Variants in PEDS1 observed in about 807,000 individuals in gnomAD.
PEDS1 encodes the protein CarF homolog.
Under a neutral mutation model 35.2 loss-of-function variants are expected in PEDS1, and 14 were observed. The observed-to-expected ratio is 0.40, with a 90% CI of 0.26 to 0.62. The LOEUF is 0.62. Ranked by LOEUF, PEDS1 falls within the 20% of genes least tolerant of loss-of-function variation. The pLI, the probability that PEDS1 is intolerant of heterozygous loss-of-function variation, is 0.44. For synonymous variants in PEDS1, 152 were observed against 152.0 expected (o/e 1.00, Z 0.00); for missense variants, 260 against 367.8 (o/e 0.71, Z 2.40).
At chr20:50,138,761 T>C (rs2081261688) in intron 2 of PEDS1, among the ~76,000 whole-genome samples, 1 of 152,196 alleles carries the variant, frequency 6.6e-6, no homozygotes, top group Non-Finnish European at 1.5e-5. Flanking sequence ...TGTCCCAGCT[T>C]TGGGGTGGTG....
At chr20:50,127,944 A>G (rs777212563) in intron 5 of PEDS1, 31 bp downstream of exon 5, 28 of 1,602,896 alleles carry the variant, frequency 1.7e-5, no homozygotes, top group Non-Finnish European at 1.7e-6. Flanking sequence ...TGGGGTGGGG[A>G]AAGCCCATTC....
intron 5 of PEDS1, among the ~76,000 whole-genome samples, chr20:50,125,553 T>TATCTATCTATCC (rs1277369207): frequency 1.4e-4 from 8 of 56,400 alleles, no homozygotes; most frequent in African/African-American, 4.4e-4. Context: ...TTTATCTATC[T>TATCTATCTATCC]ATCTATCTAT....
intron 5 of PEDS1, among the ~76,000 whole-genome samples, chr20:50,125,516 C>A (rs1383746633): frequency 3.3e-5 from 5 of 152,098 alleles, no homozygotes; most frequent in African/African-American, 1.2e-4. Context: ...TCCACTTAAG[C>A]AGCACCCCAG....
chr20:50,131,052 G>C (rs754118990), intron 2 of PEDS1, 105 bp from the exon 3 acceptor site: 35 of 1,588,992 alleles, frequency 2.2e-5, no homozygotes, highest in Non-Finnish European at 2.8e-5. Context: ...GGAGGGGAAG[G>C]TGTCCCTTCT....
Position 50,124,033 on chromosome 20 carries a change from GTC to G in PEDS1, c.*1023_*1024del, listed in dbSNP as rs1398068819. On this transcript the variant is annotated 3_prime_UTR_variant, in exon 6 of 6. Coordinates refer to ENST00000371652, the MANE Select transcript of PEDS1 (RefSeq NM_199129.4). ...GAGCAGATGTCAACATTAATTCACT[GTC>G]TCAGGTGACAGCTCTCATCCTGAGG... 6.6e-6 allele frequency: 1 copy of G among 152,530 alleles called. No homozygotes were observed. The highest frequency in any genetic ancestry group is 2.4e-5 in the African/African-American group (1 of 41,452). 9.4% of individuals were successfully genotyped at this position (152,530 alleles called of 1,614,324 possible).
In PEDS1 at chr20:50,123,574, G is replaced by A. The variant is rs2081069547; in HGVS notation, c.*1484C>T. The A allele has an allele frequency of 6.6e-6, 1 of 152,302 alleles. No homozygotes were observed. The highest frequency in any genetic ancestry group is 2.1e-4 in the South Asian group (1 of 4,830). 9.4% of individuals were successfully genotyped at this position (152,302 alleles called of 1,614,324 possible). ...AGCCACTGTGCGTGGCCCCAAGCTT[G>A]TTCTTGCCTCAGGGCCTGTGTACTT... On this transcript the variant is annotated 3_prime_UTR_variant, in exon 6 of 6. Transcript: ENST00000371652.
intron 2 of PEDS1, among the ~76,000 whole-genome samples, chr20:50,138,391 G>A (rs1308285819): frequency 1.3e-5 from 2 of 152,154 alleles, no homozygotes; most frequent in Non-Finnish European, 2.9e-5. Flanking sequence ...TCGCACCCAG[G>A]TATGGAGAAT....
At chr20:50,126,708 T>G (rs974304222) in intron 5 of PEDS1, among the ~76,000 whole-genome samples, 7 of 152,194 alleles carry the variant, frequency 4.6e-5, no homozygotes, top group African/African-American at 1.7e-4. Flanking sequence ...TGACAGCACC[T>G]GATACACTTA....
At chr20:50,136,762 C>T (rs983330202) in intron 2 of PEDS1, among the ~76,000 whole-genome samples, 8 of 138,268 alleles carry the variant, frequency 5.8e-5, no homozygotes, top group Non-Finnish European at 1.2e-4. Context: ...GAAGGCTGGG[C>T]GCATTGGCTC....
At chr20:50,146,932 T>G (rs1236854834) in intron 1 of PEDS1, among the ~76,000 whole-genome samples, 1 of 152,148 alleles carries the variant, frequency 6.6e-6, no homozygotes, top group Admixed American at 6.5e-5. Flanking sequence ...CCTTCCCCTT[T>G]CTGATTCTTG....
In PEDS1 at chr20:50,120,899, T is replaced by G. The variant is rs1324137404; in HGVS notation, c.*4159A>C. 6.6e-6 allele frequency: 1 copy of G among 151,884 alleles called. No homozygotes were observed. The highest frequency in any genetic ancestry group is 1.5e-5 in the Non-Finnish European group (1 of 68,054). The allele number at this position is 151,884 out of a possible 1,614,324, so 9.4% of individuals were successfully genotyped here. ...TTGGGGGCAGGCGCCCAAAGGTATG[T>G]GCCCAGGCCCCTTCTAAAGAACAGT... On this transcript the variant is annotated 3_prime_UTR_variant, in exon 6 of 6. Transcript: ENST00000371652.
At chr20:50,151,230 TA>T in intron 1 of PEDS1, 1 of 1,304,070 alleles carries the variant, frequency 7.7e-7, no homozygotes, top group South Asian at 1.2e-5. Flanking sequence ...CTGGAGGAGA[TA>T]AAGGGCCTTG....
rs59829432 is a variant in PEDS1 at position 50,120,268 on chromosome 20, A to AAAAC, written c.*4786_*4789dup. On this transcript the variant is annotated 3_prime_UTR_variant, in exon 6 of 6. Coordinates refer to ENST00000371652, the MANE Select transcript of PEDS1 (RefSeq NM_199129.4). ...CAACAGAGCAAGACCCTGTCTCTAA[A>AAAAC]AAACAAACAAACAAACAAACAAACA... The AAAAC allele has an allele frequency of 0.2, 37,947 of 193,846 alleles. 4,303 individuals are homozygous for AAAAC. Among genetic ancestry groups the AAAAC allele is most frequent in the African/African-American group, 0.34 (14,060 of 40,972 alleles). The allele number at this position is 193,846 out of a possible 1,614,324, so 12.0% of individuals were successfully genotyped here. A position where few individuals can be genotyped will look rare whatever the true frequency, so the allele number is the denominator to read the frequency against.
At chr20:50,146,483 A>G (rs1371596157) in intron 1 of PEDS1, among the ~76,000 whole-genome samples, 1 of 152,166 alleles carries the variant, frequency 6.6e-6, no homozygotes, top group Non-Finnish European at 1.5e-5. Context: ...GGACAACTCC[A>G]TGGCTTTGTC....
At chr20:50,143,105 G>A (rs1244151567) in intron 2 of PEDS1, among the ~76,000 whole-genome samples, 4 of 152,132 alleles carry the variant, frequency 2.6e-5, no homozygotes, top group African/African-American at 9.7e-5. Flanking sequence ...ACTGGACGGT[G>A]CAGGGCAAAG....
chr20:50,151,180 G>A (rs2081399095), intron 1 of PEDS1: 1 of 1,227,894 alleles, frequency 8.1e-7, no homozygotes, highest in Non-Finnish European at 1.1e-6. Flanking sequence ...AAGGAAGTTG[G>A]AGAAACCAGT....
At chr20:50,139,083 C>T (rs369355004) in intron 2 of PEDS1, among the ~76,000 whole-genome samples, 4 of 152,290 alleles carry the variant, frequency 2.6e-5, no homozygotes, top group East Asian at 1.9e-4. Context: ...CCTGTCTCTA[C>T]CGCCTTCCAG....
At chr20:50,151,399 C>A in intron 1 of PEDS1, 1 of 855,248 alleles carries the variant, frequency 1.2e-6, no homozygotes, top group Non-Finnish European at 1.7e-6. Context: ...CTCAGAATGC[C>A]TGGGAATGAT....
intron 2 of PEDS1, among the ~76,000 whole-genome samples, chr20:50,138,680 T>C (rs910692402): frequency 2.0e-5 from 3 of 152,234 alleles, no homozygotes. Flanking sequence ...CCGGTGGCAG[T>C]GACTCCAGGC....
Sources: gnomAD v4.1 joint callset for allele counts (sites outside exome capture counted in the v4.1 genomes callset) on GRCh38, gnomAD v4.1.1 for gene constraint, MANE v1.5 for transcripts, NCBI Gene and HGNC (gene_info 2026-07-23, HGNC 2026-07-21) for gene names.